Variants in WDR7 observed in about 807,000 individuals in gnomAD.
WDR7 encodes WD repeat-containing protein 7.
WDR7 carries 46 observed loss-of-function variants against 169.4 expected under a neutral mutation model. The ratio of observed to expected loss-of-function variants is 0.27; its 90% CI spans 0.21 to 0.35. The LOEUF (loss-of-function observed/expected upper bound fraction) is 0.35. Among genes scored for constraint, WDR7 ranks in the 10% least tolerant of loss-of-function variants. WDR7 has a pLI of 1.00. For missense variants in WDR7, 1,534 were observed against 1,859.3 expected, an observed-to-expected ratio of 0.83 and a Z score of 3.22; for synonymous variants, 612 against 666.8, an observed-to-expected ratio of 0.92 and a Z score of 1.27.
At chr18:56,966,943 G>T (rs904926122) in intron 26 of WDR7, among the ~76,000 whole-genome samples, 3 of 152,118 alleles carry the variant, frequency 2.0e-5, no homozygotes, top group African/African-American at 7.2e-5. Flanking sequence ...GAAGGTTTTG[G>T]TCAAAGGAGA....
intron 26 of WDR7, among the ~76,000 whole-genome samples, chr18:56,987,285 CAAAAAAAA>C (rs74182165): frequency 1.1e-3 from 82 of 75,274 alleles, no homozygotes; most frequent in Non-Finnish European, 1.8e-3. Flanking sequence ...TCATCTGTAC[CAAAAAAAA>C]AAAAAAAAAA....
downstream of WDR7, chr18:57,032,144 G>A (rs2048444357): frequency 6.6e-6 from 1 of 152,218 alleles, no homozygotes; most frequent in Non-Finnish European, 1.5e-5. Context: ...GAGGAAACTG[G>A]TTGGTTGTGG....
chr18:56,930,166 T>G lies in WDR7; in HGVS notation c.3714-5622T>G, dbSNP rs572615359. Among the ~76,000 whole-genome samples, 16 of 152,290 alleles carry G rather than the reference T, an allele frequency of 1.1e-4. No individual in the cohort carries two copies. In the South Asian group the frequency reaches 3.1e-3, roughly 30 times the overall value. On this transcript the variant is annotated intron_variant, in intron 22 of 27. Transcript: ENST00000254442. ...GGGATCATCACAATTTACCAAACAT[T>G]CAGAGAGAAGCATAAAGTCACTGGA...
intron 21 of WDR7, among the ~76,000 whole-genome samples, chr18:56,896,389 C>CT (rs2046333192): frequency 6.6e-6 from 1 of 151,680 alleles, no homozygotes; most frequent in South Asian, 2.1e-4. Context: ...CATGACACTC[C>CT]TAAAGAAGAT....
chr18:56,912,072 G>A (rs2145603196), intron 21 of WDR7, among the ~76,000 whole-genome samples: 1 of 152,306 alleles, frequency 6.6e-6, no homozygotes, highest in South Asian at 2.1e-4. Flanking sequence ...CCCCTTCACG[G>A]ATGTTTAATG....
intron 13 of WDR7, among the ~76,000 whole-genome samples, chr18:56,718,505 T>G (rs1231883030): frequency 6.6e-6 from 1 of 152,184 alleles, no homozygotes; most frequent in Non-Finnish European, 1.5e-5. Context: ...GATACAACCC[T>G]TTTTTCTTTG....
rs143401554 is a variant in WDR7, at chr18:56,846,057, G to A, written c.3304+29913G>A. Among the ~76,000 whole-genome samples, 1,086 of 152,232 alleles carry A rather than the reference G, an allele frequency of 7.1e-3. 16 individuals carry two copies. Among genetic ancestry groups the A allele is most frequent in the Middle Eastern group, 0.024 (7 of 294 alleles). On this transcript the variant is annotated intron_variant, in intron 20 of 27. Transcript: ENST00000254442. ...GAGACTAGTTTGTGCCAGGTACTGT[G>A]GAGCATACAAATAGACATGAAATCA...
intron 20 of WDR7, among the ~76,000 whole-genome samples, chr18:56,877,550 A>G (rs1001929181): frequency 4.6e-5 from 7 of 152,216 alleles, no homozygotes; most frequent in Non-Finnish European, 8.8e-5. Flanking sequence ...AGAATATGAA[A>G]AGAAAAGTAT....
At chr18:56,806,863 T>C (rs2044781752) in intron 19 of WDR7, among the ~76,000 whole-genome samples, 1 of 152,134 alleles carries the variant, frequency 6.6e-6, no homozygotes, top group South Asian at 2.1e-4. Context: ...TGCACAGTTA[T>C]TATACCTATT....
intron 22 of WDR7, among the ~76,000 whole-genome samples, chr18:56,930,290 G>C (rs2046864020): frequency 6.6e-6 from 1 of 152,166 alleles, no homozygotes; most frequent in African/African-American, 2.4e-5. Context: ...TTGTATGCTA[G>C]CTCAAATCTC....
At chr18:56,781,496 C>A (rs79593392) in intron 18 of WDR7, 37 bp from the exon 19 acceptor site, 1 of 1,523,394 alleles carries the variant, frequency 6.6e-7, no homozygotes, top group South Asian at 1.3e-5. Flanking sequence ...CTCAACTAAT[C>A]TGCTTTCTGC....
At chr18:56,999,516 T>C (rs1435450461) in intron 26 of WDR7, among the ~76,000 whole-genome samples, 1 of 152,138 alleles carries the variant, frequency 6.6e-6, no homozygotes, top group Non-Finnish European at 1.5e-5. Context: ...TAAAAAATTA[T>C]TTTTAATCTT....
chr18:56,680,459 G>A (rs1389716713), intron 3 of WDR7, among the ~76,000 whole-genome samples: 2 of 152,170 alleles, frequency 1.3e-5, no homozygotes, highest in Non-Finnish European at 2.9e-5. Context: ...TATAGTAGCT[G>A]TTGGTCAATT....
chr18:56,831,268 G>A (rs2045303322), intron 20 of WDR7, among the ~76,000 whole-genome samples: 1 of 152,118 alleles, frequency 6.6e-6, no homozygotes, highest in Admixed American at 6.5e-5. Context: ...GTATAGAGTG[G>A]GAACAGGGTC....
At chr18:56,677,579 G>A (rs545796987) in intron 2 of WDR7, among the ~76,000 whole-genome samples, 1 of 152,018 alleles carries the variant, frequency 6.6e-6, no homozygotes, top group African/African-American at 2.4e-5. Context: ...CAAACTCCTG[G>A]CCTCAAGTGA....
chr18:56,822,027 C>T lies in WDR7; in HGVS notation c.3304+5883C>T, dbSNP rs116329097. On this transcript the variant is annotated intron_variant, in intron 20 of 27. Coordinates refer to ENST00000254442, the MANE Select transcript of WDR7 (RefSeq NM_015285.3). Reference sequence around the variant, plus strand: ...AAAAACAAAGGAAAAACTGGGCTCACGCTATCCTCTCTCCTCAAACTCCCG... The same window carrying T: ...AAAAACAAAGGAAAAACTGGGCTCATGCTATCCTCTCTCCTCAAACTCCCG... Among the ~76,000 whole-genome samples, 1,474 of 152,040 alleles carry T rather than the reference C, an allele frequency of 9.7e-3. 22 individuals carry two copies. Among genetic ancestry groups the T allele is most frequent in the African/African-American group, 0.033 (1,379 of 41,458 alleles).
At chr18:56,922,291 G>A (rs530092198) in intron 21 of WDR7, among the ~76,000 whole-genome samples, 1 of 152,166 alleles carries the variant, frequency 6.6e-6, no homozygotes, top group South Asian at 2.1e-4. Context: ...TGGTTTAGAA[G>A]ATGCAAAGTT....
intron 13 of WDR7, among the ~76,000 whole-genome samples, chr18:56,724,233 CAG>C (rs1221814876): frequency 2.2e-5 from 2 of 91,014 alleles, no homozygotes; most frequent in Non-Finnish European, 4.1e-5. Context: ...TTTTTTGAGA[CAG>C]AGTTTCACTC....
chr18:56,742,626 A>G (rs927754951), intron 14 of WDR7, among the ~76,000 whole-genome samples: 1 of 152,204 alleles, frequency 6.6e-6, no homozygotes, highest in African/African-American at 2.4e-5. Context: ...CAGAAAATAC[A>G]CTCAGATAAA....
Sources: allele counts gnomAD v4.1 joint callset (sites outside exome capture counted in the v4.1 genomes callset), GRCh38; gene constraint gnomAD v4.1.1; transcripts MANE v1.5; gene names NCBI Gene and HGNC (gene_info 2026-07-23, HGNC 2026-07-21).